PTPRG: variants seen among roughly 807,000 people sequenced by gnomAD.
PTPRG encodes the protein receptor-type tyrosine-protein phosphatase gamma.
Under a neutral mutation model 165.3 loss-of-function variants are expected in PTPRG, and 102 were observed. The observed-to-expected ratio is 0.62, with a 90% CI of 0.53 to 0.73. The LOEUF is 0.73. Among genes scored for constraint, PTPRG ranks in the 30% least tolerant of loss-of-function variants. The pLI is 0.00. For missense variants in PTPRG, 1,866 were observed against 1,861.4 expected (o/e 1.00, Z -0.05); for synonymous variants, 675 against 669.5 (o/e 1.01, Z -0.13).
At chr3:62,090,439 G>A (rs531024409) in intron 5 of PTPRG, among the ~76,000 whole-genome samples, 5 of 152,280 alleles carry the variant, frequency 3.3e-5, no homozygotes. Flanking sequence ...TTTAGGAAAA[G>A]AGATGAATGT....
chr3:61,889,767 A>C (rs2038157126), intron 2 of PTPRG, among the ~76,000 whole-genome samples: 1 of 152,186 alleles, frequency 6.6e-6, no homozygotes, highest in South Asian at 2.1e-4. Context: ...AACTATTTCC[A>C]TCCTAAACTG....
At chr3:61,977,816 G>C (rs1002154544) in intron 2 of PTPRG, among the ~76,000 whole-genome samples, 15 of 152,140 alleles carry the variant, frequency 9.9e-5, no homozygotes, top group African/African-American at 3.6e-4. Flanking sequence ...ATGTAAAAAG[G>C]AATCTGTGTG....
At chr3:61,925,758 T>A (rs1051442083) in intron 2 of PTPRG, 3 of 342,228 alleles carry the variant, frequency 8.8e-6, no homozygotes, top group South Asian at 2.2e-5. Context: ...AAAAAAAAAA[T>A]CATCATTGGT....
intron 2 of PTPRG, among the ~76,000 whole-genome samples, chr3:61,921,439 T>C (rs2039076713): frequency 6.6e-6 from 1 of 152,142 alleles, no homozygotes; most frequent in Non-Finnish European, 1.5e-5. Flanking sequence ...GCGTCCCTAA[T>C]CTGAAAATTG....
At chr3:62,065,165 T>A (rs1700970047) in intron 4 of PTPRG, among the ~76,000 whole-genome samples, 1 of 151,926 alleles carries the variant, frequency 6.6e-6, no homozygotes, top group African/African-American at 2.4e-5. Flanking sequence ...AGTAAAAAAA[T>A]GTGTGTAATC....
At chr3:62,194,963 C>T (rs151235482) in intron 9 of PTPRG, 99 bp from the exon 10 acceptor site, 1,126 of 1,098,294 alleles carry the variant, frequency 1.0e-3, no homozygotes, top group Non-Finnish European at 1.4e-3. Context: ...AGCATCACAC[C>T]TGTCAGGCAT....
At chr3:62,211,859 G>A (rs1046438182) in intron 12 of PTPRG, among the ~76,000 whole-genome samples, 10 of 151,974 alleles carry the variant, frequency 6.6e-5, no homozygotes, top group East Asian at 3.9e-4. Context: ...ATTGTACTCC[G>A]TTTTTATTTG....
intron 6 of PTPRG, among the ~76,000 whole-genome samples, chr3:62,145,175 G>T (rs1187615280): frequency 6.6e-6 from 1 of 152,116 alleles, no homozygotes; most frequent in Non-Finnish European, 1.5e-5. Flanking sequence ...ATCCAGTTCT[G>T]CCTTTGACTA....
chr3:61,982,435 T>G (rs115361166), intron 2 of PTPRG, among the ~76,000 whole-genome samples: 1 of 152,154 alleles, frequency 6.6e-6, no homozygotes, highest in East Asian at 1.9e-4. Flanking sequence ...TTGAAAGATA[T>G]AACTTTTAAA....
rs542064653 is a variant in PTPRG, at chr3:61,938,547, A to C, written c.191-51078A>C. Among the ~76,000 whole-genome samples, 12 of 152,302 alleles carry C rather than the reference A, an allele frequency of 7.9e-5. 2 individuals are homozygous for C. The South Asian group carries it at 2.5e-3, about 32-fold the overall frequency. On this transcript the variant is annotated intron_variant, in intron 2 of 29. Coordinates refer to ENST00000474889, the MANE Select transcript of PTPRG (RefSeq NM_002841.4). ...TTTTGCGTTCAGCCCTCTATGATGA[A>C]TATCCCCGTGTTTGACACGTGTAAG...
intron 1 of PTPRG, among the ~76,000 whole-genome samples, chr3:61,595,131 G>C (rs1160912229): frequency 6.6e-6 from 1 of 151,966 alleles, no homozygotes; most frequent in African/African-American, 2.4e-5. Context: ...TCTGTATAAT[G>C]AGAGCAGCAA....
At chr3:61,583,671 T>G (rs1575518022) in intron 1 of PTPRG, among the ~76,000 whole-genome samples, 1 of 152,082 alleles carries the variant, frequency 6.6e-6, no homozygotes, top group African/African-American at 2.4e-5. Context: ...TTGAGGGTGG[T>G]AAAAAACTCA....
chr3:62,199,608 T>A lies in PTPRG; in HGVS notation c.1328-1897T>A, dbSNP rs181053280. ...TTGTTTTGTTTTGTTTTTATAGAAG[T>A]TTGCAGGCCAAACAAAAATATATGT... On this transcript the variant is annotated intron_variant, in intron 10 of 29. Transcript: ENST00000474889. Among the ~76,000 whole-genome samples the A allele has an allele frequency of 1.1e-4, 17 of 152,322 alleles. No homozygotes were observed. In the East Asian group the frequency reaches 3.3e-3, roughly 29 times the overall value.
At chr3:62,015,356 T>A (rs1000258289) in intron 4 of PTPRG, among the ~76,000 whole-genome samples, 1 of 152,162 alleles carries the variant, frequency 6.6e-6, no homozygotes, top group Non-Finnish European at 1.5e-5. Flanking sequence ...GGTCAGCAGA[T>A]AGGCAGTGTG....
intron 2 of PTPRG, among the ~76,000 whole-genome samples, chr3:61,844,717 G>A (rs928085859): frequency 1.3e-5 from 2 of 151,474 alleles, no homozygotes; most frequent in Non-Finnish European, 2.9e-5. Context: ...TGAACAGGGT[G>A]GTCTCGAACT....
intron 1 of PTPRG, among the ~76,000 whole-genome samples, chr3:61,662,406 G>C (rs1264284327): frequency 6.6e-6 from 1 of 152,162 alleles, no homozygotes; most frequent in African/African-American, 2.4e-5. Context: ...AGTAAGCCTG[G>C]AAGTGGATCC....
intron 16 of PTPRG, chr3:62,261,859 A>C (rs1358789182): frequency 6.6e-6 from 1 of 152,134 alleles, no homozygotes; most frequent in African/African-American, 2.4e-5. Flanking sequence ...ACTATGGAAA[A>C]CATGCATAAT....
intron 4 of PTPRG, among the ~76,000 whole-genome samples, chr3:62,063,107 C>A (rs1024859214): frequency 2.0e-5 from 3 of 152,076 alleles, no homozygotes; most frequent in African/African-American, 4.8e-5. Context: ...AAATGGGGAC[C>A]CAGAATAATT....
At chr3:62,031,078 C>T (rs753784382) in intron 4 of PTPRG, among the ~76,000 whole-genome samples, 2 of 152,152 alleles carry the variant, frequency 1.3e-5, no homozygotes, top group African/African-American at 4.8e-5. Flanking sequence ...GAAATGATTT[C>T]AGTTTTTTAA....
Sources: allele counts gnomAD v4.1 joint callset (sites outside exome capture counted in the v4.1 genomes callset), GRCh38; gene constraint gnomAD v4.1.1; transcripts MANE v1.5; gene names NCBI Gene and HGNC (gene_info 2026-07-23, HGNC 2026-07-21).